The following ADAMTS20 variants were observed in gnomAD, a reference collection of about 807,000 sequenced individuals.
ADAMTS20 encodes A disintegrin and metalloproteinase with thrombospondin motifs 20.
Under a neutral mutation model 260.1 loss-of-function variants are expected in ADAMTS20, and 225 were observed. That is an observed-to-expected ratio of 0.87 (90% CI 0.78 to 0.97). The LOEUF is 0.97. Among genes scored for constraint, ADAMTS20 ranks in the 50% least tolerant of loss-of-function variants. ADAMTS20 has a pLI of 0.00. For synonymous variants in ADAMTS20, 802 were observed against 769.5 expected (o/e 1.04, Z -0.70); for missense variants, 2,400 against 2,337.7 (o/e 1.03, Z -0.55).
At chr12:43,423,061 T>A (rs1363334651) in intron 28 of ADAMTS20, 1 of 152,090 alleles carries the variant, frequency 6.6e-6, no homozygotes, top group Non-Finnish European at 1.5e-5. Flanking sequence ...TATTTGTAAT[T>A]TTAATATTCT....
chr12:43,550,216 A>G (rs1350380038), intron 2 of ADAMTS20, among the ~76,000 whole-genome samples: 4 of 152,200 alleles, frequency 2.6e-5, no homozygotes, highest in Non-Finnish European at 4.4e-5. Context: ...AGGTGAAACC[A>G]CAGACACTGT....
chr12:43,546,751 T>C (rs1042289328), intron 2 of ADAMTS20, among the ~76,000 whole-genome samples: 9 of 152,228 alleles, frequency 5.9e-5, no homozygotes, highest in African/African-American at 1.4e-4. Context: ...GCCATTACAT[T>C]ACTTATAGAT....
At chr12:43,430,646 A>G (rs1207530001) in intron 22 of ADAMTS20, among the ~76,000 whole-genome samples, 175 bp from the exon 23 acceptor site, 1 of 152,192 alleles carries the variant, frequency 6.6e-6, no homozygotes, top group Admixed American at 6.5e-5. Context: ...TATTTATTCA[A>G]ATTAAGTAAA....
At chr12:43,400,904 C>T (rs1940797384) in intron 28 of ADAMTS20, among the ~76,000 whole-genome samples, 1 of 151,868 alleles carries the variant, frequency 6.6e-6, no homozygotes, top group Non-Finnish European at 1.5e-5. Context: ...GTAATAATTA[C>T]TGTGAATAGT....
chr12:43,522,023 A>T (rs1254554418), intron 3 of ADAMTS20, among the ~76,000 whole-genome samples: 2 of 152,216 alleles, frequency 1.3e-5, no homozygotes, highest in Non-Finnish European at 2.9e-5. Context: ...GCTGGCTGAC[A>T]TCATCTTAAT....
chr12:43,376,769 C>T (rs781340931), intron 32 of ADAMTS20, 116 bp from the exon 33 acceptor site: 93 of 1,214,324 alleles, frequency 7.7e-5, no homozygotes, highest in Non-Finnish European at 9.9e-5. Flanking sequence ...TCAGTAGTGG[C>T]TAGATACACA....
chr12:43,439,586 A>G (rs367658680), intron 18 of ADAMTS20, 36 bp downstream of exon 18: 335 of 1,577,088 alleles, frequency 2.1e-4, no homozygotes, highest in Non-Finnish European at 2.7e-4. Context: ...CAGAATGCAC[A>G]GTCAGTCTTT....
In ADAMTS20 at chr12:43,383,657, C is replaced by T; in HGVS notation, c.4698G>A (p.Val1566=). The T allele has an allele frequency of 1.2e-6, 2 of 1,613,840 alleles. No individual in the cohort carries two copies. The highest frequency in any genetic ancestry group is 2.7e-5 in the African/African-American group (2 of 75,014). The part of the protein sequence containing the change: ...MECTDNQIRQ[V]NEIVYNSSTI... The stretch of plus-strand genomic sequence containing the variant: ...TTGAAGAATTATAGACTATTTCATT[C>T]ACTTGTCTGATTTGGTTATCTGTGC... The change falls in exon 31 of 39, where the codon GTG becomes GTA. Residue 1566 remains valine, a synonymous_variant. Coordinates refer to ENST00000389420, the MANE Select transcript of ADAMTS20 (RefSeq NM_025003.5).
At chr12:43,505,987 G>T (rs1184110120) in intron 3 of ADAMTS20, among the ~76,000 whole-genome samples, 2 of 152,168 alleles carry the variant, frequency 1.3e-5, no homozygotes, top group Non-Finnish European at 2.9e-5. Context: ...AGGCATGTGT[G>T]GTGGCATGCA....
At chr12:43,493,331 G>T in intron 4 of ADAMTS20, 78 bp from the exon 5 acceptor site, 2 of 1,037,112 alleles carry the variant, frequency 1.9e-6, no homozygotes, top group Non-Finnish European at 2.8e-6. Flanking sequence ...TAGTCACAGA[G>T]TATCAATTCT....
intron 36 of ADAMTS20, among the ~76,000 whole-genome samples, chr12:43,373,177 C>A (rs989625886): frequency 6.6e-6 from 1 of 152,188 alleles, no homozygotes; most frequent in African/African-American, 2.4e-5. Flanking sequence ...TTTTACCATG[C>A]AAGTTTAAGG....
chr12:43,459,505 C>T (rs1326612674), intron 11 of ADAMTS20, among the ~76,000 whole-genome samples: 2 of 152,116 alleles, frequency 1.3e-5, no homozygotes, highest in Non-Finnish European at 1.5e-5. Flanking sequence ...TTGGAAGTGG[C>T]CTGCCACCAT....
chr12:43,532,010 G>A, intron 3 of ADAMTS20, 26 bp downstream of exon 3: 4 of 1,432,354 alleles, frequency 2.8e-6, no homozygotes, highest in Non-Finnish European at 3.7e-6. Context: ...CTATTTAGCT[G>A]AAAAGAGTTC....
chr12:43,427,398 A>C lies in ADAMTS20; in HGVS notation c.4017T>G (p.Ala1339=). ...VVCQDENGQS[A]SYCDAASKPP... is the part of the protein sequence containing the mutation. The stretch of plus-strand genomic sequence containing the variant: ...GCTTGGAGGCTGCATCGCAGTAACT[A>C]GCACTTTGTCCATTTTCATCCTGGC... Residue 1339 remains alanine, a synonymous_variant, in exon 27 of 39, where the codon GCT becomes GCG. Coordinates refer to ENST00000389420, the MANE Select transcript of ADAMTS20 (RefSeq NM_025003.5). The C allele has an allele frequency of 6.2e-7, 1 of 1,613,966 alleles. No individual in the cohort carries two copies.
chr12:43,397,732 A>G (rs1940733364), intron 29 of ADAMTS20, among the ~76,000 whole-genome samples: 1 of 152,238 alleles, frequency 6.6e-6, no homozygotes, highest in South Asian at 2.1e-4. Flanking sequence ...TCAATATAGA[A>G]GCAAATGCCC....
chr12:43,376,397 G>T, intron 33 of ADAMTS20, 67 bp from the exon 34 acceptor site: 1 of 1,437,210 alleles, frequency 7.0e-7, no homozygotes, highest in Non-Finnish European at 9.4e-7. Context: ...CTTAATCATA[G>T]AAATATTGCT....
At chr12:43,495,952 TA>T (rs527729161) in intron 4 of ADAMTS20, among the ~76,000 whole-genome samples, 2 of 152,124 alleles carry the variant, frequency 1.3e-5, no homozygotes, top group Non-Finnish European at 2.9e-5. Context: ...TTTAGATGTT[TA>T]AAGGTGATGT....
At chr12:43,470,163 C>G (rs1430011011) in intron 7 of ADAMTS20, among the ~76,000 whole-genome samples, 2 of 152,158 alleles carry the variant, frequency 1.3e-5, no homozygotes, top group Non-Finnish European at 2.9e-5. Flanking sequence ...AGTGGATCAT[C>G]ATCTTATTAT....
intron 32 of ADAMTS20, among the ~76,000 whole-genome samples, 184 bp downstream of exon 32, chr12:43,377,181 C>T (rs544823217): frequency 1.3e-5 from 2 of 152,126 alleles, no homozygotes; most frequent in East Asian, 3.9e-4. Context: ...CTGCTTTAAG[C>T]GAGTTATAGC....
Sources: allele counts gnomAD v4.1 joint callset (sites outside exome capture counted in the v4.1 genomes callset), GRCh38; gene constraint gnomAD v4.1.1; transcripts MANE v1.5; gene names NCBI Gene and HGNC (gene_info 2026-07-23, HGNC 2026-07-21).